ADCK1: variants seen among roughly 807,000 people sequenced by gnomAD.
ADCK1 encodes the protein aarF domain containing kinase 1.
Under a neutral mutation model 52.3 loss-of-function variants are expected in ADCK1, and 41 were observed. That is an observed-to-expected ratio of 0.78 (90% CI 0.61 to 1.02). The LOEUF (loss-of-function observed/expected upper bound fraction) is 1.02. ADCK1 is among the 50% of genes least tolerant of loss of function. The probability of loss-of-function intolerance (pLI) is 0.00; values close to 1 mark genes in which losing one functional copy is unlikely to be tolerated. For missense variants in ADCK1, 658 were observed against 679.5 expected (o/e 0.97, Z 0.35); for synonymous variants, 250 against 274.6 (o/e 0.91, Z 0.89).
intron 2 of ADCK1, among the ~76,000 whole-genome samples, chr14:77,819,841 G>A (rs909283495): frequency 5.9e-5 from 9 of 152,094 alleles, no homozygotes; most frequent in African/African-American, 2.2e-4. Flanking sequence ...TCCCCTTCAC[G>A]TAGATTCAAT....
intron 1 of ADCK1, among the ~76,000 whole-genome samples, chr14:77,804,705 G>A (rs2081182563): frequency 6.6e-6 from 1 of 152,152 alleles, no homozygotes; most frequent in Non-Finnish European, 1.5e-5. Flanking sequence ...GCTCTGCACA[G>A]GTCTCAGGCC....
intron 5 of ADCK1, among the ~76,000 whole-genome samples, chr14:77,889,497 A>G (rs550636165): frequency 2.0e-5 from 3 of 152,182 alleles, no homozygotes; most frequent in Non-Finnish European, 4.4e-5. Context: ...AACTTGCTCT[A>G]TGTTACTCCC....
intron 1 of ADCK1, 94 bp downstream of exon 1, chr14:77,800,264 T>C (rs115018137): frequency 0.066 from 9,985 of 152,414 alleles, 392 homozygotes; most frequent in African/African-American, 0.096. Context: ...GGAACCGGCA[T>C]GGACACGCCG....
At chr14:77,912,394 A>G (rs561415283) in intron 7 of ADCK1, among the ~76,000 whole-genome samples, 3 of 151,588 alleles carry the variant, frequency 2.0e-5, no homozygotes, top group African/African-American at 7.3e-5. Context: ...TCTCTTACCA[A>G]CTAACATCAA....
intron 5 of ADCK1, among the ~76,000 whole-genome samples, chr14:77,893,660 G>A (rs1345602655): frequency 2.0e-5 from 3 of 151,820 alleles, no homozygotes; most frequent in Admixed American, 2.0e-4. Context: ...ACCCATGGCA[G>A]TCATGTTTTT....
chr14:77,889,723 C>G (rs747433350), intron 5 of ADCK1, among the ~76,000 whole-genome samples: 7 of 152,102 alleles, frequency 4.6e-5, no homozygotes, highest in Non-Finnish European at 1.0e-4. Flanking sequence ...GTCAATGCAG[C>G]AACCAAATAG....
chr14:77,931,710 G>A lies in ADCK1; in HGVS notation c.1399G>A (p.Glu467Lys). ...MSRCCIRALA[E>K]HKKKNTCSFF... is the part of the protein sequence containing the mutation. ...ACGTTGCTGCATCAGAGCGCTAGCT[G>A]AGTGAGTGTGGGCTCCTCCCTCTCC... The change falls in exon 10 of 11, where the codon GAG (glutamate) becomes AAG (lysine). Residue 467 changes from glutamate (E) to lysine (K), a missense_variant and splice_region_variant. Glu to Lys is a moderately conservative substitution (Grantham distance 56). Transcript: ENST00000238561. 2 of 1,601,384 alleles carry A rather than the reference G, an allele frequency of 1.2e-6. No individual in the cohort carries two copies. The highest frequency in any genetic ancestry group is 2.2e-5 in the South Asian group (2 of 91,020).
chr14:77,926,049 A>T (rs1476792301), intron 9 of ADCK1, 88 bp downstream of exon 9: 12 of 1,495,294 alleles, frequency 8.0e-6, no homozygotes, highest in Non-Finnish European at 1.1e-5. Context: ...GTAAGGTCTA[A>T]GAGTCTAGAC....
intron 10 of ADCK1, among the ~76,000 whole-genome samples, chr14:77,932,311 A>G (rs1480360195): frequency 6.6e-6 from 1 of 152,138 alleles, no homozygotes; most frequent in African/African-American, 2.4e-5. Context: ...GGCCTCCCAA[A>G]GTCCTGGGAT....
At chr14:77,900,800 T>G (rs2083520572) in intron 6 of ADCK1, 2 of 331,286 alleles carry the variant, frequency 6.0e-6, no homozygotes, top group Non-Finnish European at 1.2e-5. Flanking sequence ...GATCAAACTA[T>G]TCCCTAACAT....
At chr14:77,926,333 A>G (rs1173718938) in intron 9 of ADCK1, among the ~76,000 whole-genome samples, 1 of 152,094 alleles carries the variant, frequency 6.6e-6, no homozygotes, top group East Asian at 1.9e-4. Flanking sequence ...ACTATCTCTT[A>G]AATAAATCTG....
chr14:77,918,277 C>T (rs537454473), intron 7 of ADCK1, among the ~76,000 whole-genome samples: 114 of 152,326 alleles, frequency 7.5e-4, no homozygotes, highest in African/African-American at 2.4e-3. Context: ...AAAACCACCA[C>T]CACTTGTAAA....
chr14:77,800,931 T>C (rs1371814665), intron 1 of ADCK1, among the ~76,000 whole-genome samples: 1 of 152,204 alleles, frequency 6.6e-6, no homozygotes, highest in Non-Finnish European at 1.5e-5. Flanking sequence ...ATATGTTTTA[T>C]TTAATAATTT....
chr14:77,870,724 T>C (rs974609949), intron 4 of ADCK1, among the ~76,000 whole-genome samples: 3 of 152,210 alleles, frequency 2.0e-5, no homozygotes, highest in Admixed American at 6.5e-5. Context: ...GGAGGACAAA[T>C]GCCATGGTTA....
chr14:77,808,733 G>A (rs1006259329), intron 1 of ADCK1, among the ~76,000 whole-genome samples: 7 of 152,026 alleles, frequency 4.6e-5, no homozygotes, highest in Non-Finnish European at 8.8e-5. Flanking sequence ...CCACTACCAC[G>A]CCTGGTTAAT....
rs9323658 is a variant in ADCK1 at position 77,932,327 on chromosome 14, G to T, written c.1400+616G>T. ...GCCTCCCAAAGTCCTGGGATTACAG[G>T]CATGAGCCACCATGTCCAACCTCAG... On this transcript the variant is annotated intron_variant, in intron 10 of 10. Transcript: ENST00000238561. Among the ~76,000 whole-genome samples, 510 of 152,288 alleles carry T rather than the reference G, an allele frequency of 3.3e-3. 2 individuals are homozygous for T. Among genetic ancestry groups the T allele is most frequent in the African/African-American group, 0.011 (477 of 41,550 alleles).
chr14:77,833,658 A>G (rs1326180591), intron 3 of ADCK1, among the ~76,000 whole-genome samples: 1 of 152,166 alleles, frequency 6.6e-6, no homozygotes, highest in Non-Finnish European at 1.5e-5. Flanking sequence ...AGGATTCTGT[A>G]GGAGTAGGTT....
chr14:77,861,762 T>C (rs1328608173), intron 4 of ADCK1, among the ~76,000 whole-genome samples: 3 of 152,202 alleles, frequency 2.0e-5, no homozygotes, highest in African/African-American at 7.2e-5. Context: ...GAGGTCACTA[T>C]GTCCTCAGAC....
chr14:77,841,343 C>T (rs1445601297), intron 3 of ADCK1, among the ~76,000 whole-genome samples: 2 of 152,164 alleles, frequency 1.3e-5, no homozygotes, highest in African/African-American at 4.8e-5. Flanking sequence ...GACCACTGGC[C>T]TGGAGGAACC....
Sources: allele counts gnomAD v4.1 joint callset (sites outside exome capture counted in the v4.1 genomes callset), GRCh38; gene constraint gnomAD v4.1.1; transcripts MANE v1.5; gene names NCBI Gene and HGNC (gene_info 2026-07-23, HGNC 2026-07-21).